Variants in CMIP observed in about 807,000 individuals in gnomAD.
The protein encoded by CMIP is C-Maf-inducing protein.
CMIP carries 13 observed loss-of-function variants against 97.3 expected under a neutral mutation model. The observed-to-expected ratio is 0.13, with a 90% confidence interval of 0.09 to 0.21. CMIP has a LOEUF of 0.21. CMIP is among the 10% of genes least tolerant of loss of function. The pLI is 1.00. For synonymous variants in CMIP, 538 were observed against 436.3 expected (o/e 1.23, Z -2.91); for missense variants, 847 against 1,024.9 (o/e 0.83, Z 2.37).
intron 3 of CMIP, among the ~76,000 whole-genome samples, chr16:81,633,301 C>T (rs2092190044): frequency 6.6e-6 from 1 of 152,192 alleles, no homozygotes; most frequent in African/African-American, 2.4e-5. Flanking sequence ...ACTTGGGGCA[C>T]ACCTTGGCCA....
chr16:81,466,928 C>G (rs1055839432), intron 1 of CMIP, among the ~76,000 whole-genome samples: 1 of 152,204 alleles, frequency 6.6e-6, no homozygotes, highest in African/African-American at 2.4e-5. Context: ...CAGGGCTAGA[C>G]TTTTTCCTTT....
At chr16:81,476,686 T>G (rs1907944795) in intron 1 of CMIP, among the ~76,000 whole-genome samples, 1 of 152,250 alleles carries the variant, frequency 6.6e-6, no homozygotes, top group South Asian at 2.1e-4. Flanking sequence ...GAAGAAGCCG[T>G]GGCATATTTA....
At chr16:81,576,201 C>G (rs973213478) in intron 1 of CMIP, among the ~76,000 whole-genome samples, 1 of 151,994 alleles carries the variant, frequency 6.6e-6, no homozygotes, top group Non-Finnish European at 1.5e-5. Flanking sequence ...GTCAGGAGTT[C>G]GAGACTACCC....
At chr16:81,574,879 C>G (rs1187212933) in intron 1 of CMIP, among the ~76,000 whole-genome samples, 5 of 152,218 alleles carry the variant, frequency 3.3e-5, no homozygotes, top group Admixed American at 2.6e-4. Flanking sequence ...TTGTCCCCTG[C>G]GTATCCTAAG....
chr16:81,709,185 C>T (rs1160045925), intron 20 of CMIP, among the ~76,000 whole-genome samples: 1 of 152,184 alleles, frequency 6.6e-6, no homozygotes, highest in African/African-American at 2.4e-5. Context: ...AGAATCTAAG[C>T]CAAACCCTGG....
Position 81,699,821 on chromosome 16 carries a change from C to A in CMIP, c.1755+20C>A. 1.3e-6 allele frequency: 2 copies of A among 1,549,190 alleles called. No homozygotes were observed. Among genetic ancestry groups the A allele is most frequent in the Middle Eastern group, 1.7e-4 (1 of 5,932 alleles). Reference sequence around the variant, plus strand: ...GTGGAGGTAAGGAGCTGGTCGGGGTCCCTGGTGGGGTGGCTGGCTCCCCGT... The same window carrying A: ...GTGGAGGTAAGGAGCTGGTCGGGGTACCTGGTGGGGTGGCTGGCTCCCCGT... On this transcript the variant is annotated intron_variant, in intron 15 of 20. Coordinates refer to ENST00000537098, the MANE Select transcript of CMIP (RefSeq NM_198390.3).
At chr16:81,683,756 C>CTTTTTTTTT (rs71272426) in intron 10 of CMIP, among the ~76,000 whole-genome samples, 25 of 81,602 alleles carry the variant, frequency 3.1e-4, no homozygotes, top group Non-Finnish European at 4.4e-4. Context: ...TTTTCTTTTT[C>CTTTTTTTTT]TTTTTTTTTT....
chr16:81,547,078 C>T (rs1254035552), intron 1 of CMIP, among the ~76,000 whole-genome samples: 1 of 152,102 alleles, frequency 6.6e-6, no homozygotes, highest in Non-Finnish European at 1.5e-5. Context: ...TGTGGGCACA[C>T]AGATGTGGGA....
chr16:81,547,908 C>A (rs2090578345), intron 1 of CMIP, among the ~76,000 whole-genome samples: 1 of 152,196 alleles, frequency 6.6e-6, no homozygotes, highest in Non-Finnish European at 1.5e-5. Context: ...CCAGGCAGGC[C>A]TCTTCAGCTC....
chr16:81,468,126 CA>C (rs891939514), intron 1 of CMIP, among the ~76,000 whole-genome samples: 10 of 152,138 alleles, frequency 6.6e-5, no homozygotes, highest in Non-Finnish European at 1.3e-4. Flanking sequence ...AATGCACGAT[CA>C]GGGGCAACCT....
intron 1 of CMIP, among the ~76,000 whole-genome samples, chr16:81,508,471 A>G (rs2089751292): frequency 6.6e-6 from 1 of 152,244 alleles, no homozygotes; most frequent in South Asian, 2.1e-4. Context: ...TTGTGGTTAC[A>G]GAGCATTCTA....
chr16:81,458,152 G>T (rs1206195227), intron 1 of CMIP, among the ~76,000 whole-genome samples: 1 of 152,172 alleles, frequency 6.6e-6, no homozygotes, highest in East Asian at 1.9e-4. Flanking sequence ...ATGAGGAAGT[G>T]GGGAGGAGAG....
intron 1 of CMIP, among the ~76,000 whole-genome samples, chr16:81,527,648 G>C (rs147638283): frequency 7.2e-5 from 11 of 152,224 alleles, no homozygotes; most frequent in Admixed American, 2.0e-4. Flanking sequence ...CAGTGTCTGT[G>C]TTTATTTAGT....
chr16:81,602,592 C>T (rs2091676220), intron 1 of CMIP, among the ~76,000 whole-genome samples: 1 of 152,252 alleles, frequency 6.6e-6, no homozygotes, highest in Non-Finnish European at 1.5e-5. Flanking sequence ...CCTCGCCCGC[C>T]CCAGCGGCTG....
In CMIP at chr16:81,572,452, C is replaced by T. The variant is rs765467179; in HGVS notation, c.301-35115C>T. Among the ~76,000 whole-genome samples the T allele has an allele frequency of 4.6e-5, 7 of 152,206 alleles. No homozygotes were observed. The East Asian group carries it at 9.6e-4, about 21-fold the overall frequency. On this transcript the variant is annotated intron_variant, in intron 1 of 20. Transcript: ENST00000537098. ...GTTCTTTCCTGCAGTCATTCCTAAGCGGTACTTCTCTGCATCTGGCCTTTA... is the reference window on the plus strand; with the variant it reads ...GTTCTTTCCTGCAGTCATTCCTAAGTGGTACTTCTCTGCATCTGGCCTTTA...
intron 1 of CMIP, among the ~76,000 whole-genome samples, chr16:81,530,379 C>T (rs1055051131): frequency 1.4e-4 from 22 of 152,094 alleles, no homozygotes; most frequent in African/African-American, 4.8e-4. Context: ...CCTCCCGTCT[C>T]GCCTCTGTTG....
chr16:81,476,639 T>C, intron 1 of CMIP: 1 of 395,206 alleles, frequency 2.5e-6, no homozygotes, highest in Non-Finnish European at 4.8e-6. Flanking sequence ...CTTGCCTTTT[T>C]AGTTTGCTTA....
rs184301240 is a variant in CMIP, at chr16:81,572,306, G to A, written c.301-35261G>A. Among the ~76,000 whole-genome samples the A allele has an allele frequency of 9.2e-5, 14 of 152,348 alleles. No homozygotes were observed. The East Asian group carries it at 2.5e-3, about 27-fold the overall frequency. On this transcript the variant is annotated intron_variant, in intron 1 of 20. Coordinates refer to ENST00000537098, the MANE Select transcript of CMIP (RefSeq NM_198390.3). Reference sequence around the variant, plus strand: ...TTGGCCTGGACATCCTCTGAGCAGCGATTGGCCCTTGCCCTGTTTCTGTGA... The same window carrying A: ...TTGGCCTGGACATCCTCTGAGCAGCAATTGGCCCTTGCCCTGTTTCTGTGA...
chr16:81,586,816 G>A (rs976217347), intron 1 of CMIP, among the ~76,000 whole-genome samples: 2 of 152,198 alleles, frequency 1.3e-5, no homozygotes, highest in African/African-American at 4.8e-5. Context: ...TAAGGAAGGG[G>A]TTCTGGACTA....
Sources: allele counts gnomAD v4.1 joint callset (sites outside exome capture counted in the v4.1 genomes callset), GRCh38; gene constraint gnomAD v4.1.1; transcripts MANE v1.5; gene names NCBI Gene and HGNC (gene_info 2026-07-23, HGNC 2026-07-21).